Variants in XPR1 observed in about 807,000 individuals in gnomAD.
The protein encoded by XPR1 is solute carrier family 53 member 1.
XPR1 carries 28 observed loss-of-function variants against 87.5 expected under a neutral mutation model. The ratio of observed to expected loss-of-function variants is 0.32; its 90% CI spans 0.24 to 0.44. The LOEUF (loss-of-function observed/expected upper bound fraction) is 0.44, where lower values mean the gene tolerates loss of function less well. XPR1 is among the 20% of genes least tolerant of loss of function. XPR1 has a pLI of 1.00. For missense variants in XPR1, 559 were observed against 862.3 expected (o/e 0.65, Z 4.41); for synonymous variants, 300 against 306.1 (o/e 0.98, Z 0.21).
intron 2 of XPR1, among the ~76,000 whole-genome samples, chr1:180,782,272 A>C (rs919102183): frequency 2.6e-5 from 4 of 151,922 alleles, no homozygotes; most frequent in Non-Finnish European, 4.4e-5. Context: ...TTTTGTGACT[A>C]ATTATTGAAT....
intron 1 of XPR1, among the ~76,000 whole-genome samples, chr1:180,673,646 G>T (rs191023099): frequency 1.3e-5 from 2 of 152,276 alleles, no homozygotes; most frequent in Admixed American, 1.3e-4. Flanking sequence ...ATAGGAGTAC[G>T]ACCCCTATTG....
chr1:180,709,424 C>T (rs1657678816), intron 2 of XPR1, among the ~76,000 whole-genome samples: 1 of 152,204 alleles, frequency 6.6e-6, no homozygotes, highest in African/African-American at 2.4e-5. Flanking sequence ...AGAGTTTCCT[C>T]ATACCTTTTT....
At chr1:180,666,631 A>T (rs1354585433) in intron 1 of XPR1, among the ~76,000 whole-genome samples, 1 of 152,210 alleles carries the variant, frequency 6.6e-6, no homozygotes, top group Non-Finnish European at 1.5e-5. Context: ...GTGTATAGAA[A>T]TGCAACTGAT....
At position 180,806,189 on chromosome 1, in the gene XPR1, A is replaced by G. The variant is rs200521820; in HGVS notation, c.575A>G (p.Asn192Ser). ...CCATTTTATACATGCAAGAAAATCA[A>G]CCAGCTTATCTCTGAAACTGAGGTA... is the stretch of plus-strand genomic sequence containing the variant. Reference protein sequence around the residue: ...VAPFYTCKKINQLISETEAVV... With the variant: ...VAPFYTCKKISQLISETEAVV... The change falls in exon 5 of 15, where the codon AAC becomes AGC. Residue 192 changes from asparagine to serine, a missense_variant. This residue lies in a region of XPR1 where 159 missense variants were observed against 263.3 expected (regional missense o/e 0.60). Coordinates refer to ENST00000367590, the MANE Select transcript of XPR1 (RefSeq NM_004736.4). The G allele has an allele frequency of 6.2e-7, 1 of 1,613,454 alleles. No homozygotes were observed. Among genetic ancestry groups the G allele is most frequent in the Non-Finnish European group, 8.5e-7 (1 of 1,179,656 alleles).
intron 12 of XPR1, among the ~76,000 whole-genome samples, chr1:180,865,438 T>TCTG (rs1462538551): frequency 6.6e-6 from 1 of 151,464 alleles, no homozygotes; most frequent in Non-Finnish European, 1.5e-5. Context: ...TCTTGCTCTG[T>TCTG]CACCCAGGCT....
intron 12 of XPR1, among the ~76,000 whole-genome samples, chr1:180,866,506 C>G (rs2102211699): frequency 6.7e-6 from 1 of 150,070 alleles, no homozygotes; most frequent in East Asian, 1.9e-4. Context: ...TGAAAGACTT[C>G]CACATTTTTG....
At chr1:180,708,131 TTAA>T (rs1454216865) in intron 2 of XPR1, among the ~76,000 whole-genome samples, 1 of 152,238 alleles carries the variant, frequency 6.6e-6, no homozygotes, top group Admixed American at 6.5e-5. Context: ...TGTTTTTAGA[TTAA>T]TAAGTAAAAG....
chr1:180,661,707 T>TA (rs923004588), intron 1 of XPR1, among the ~76,000 whole-genome samples: 3 of 151,672 alleles, frequency 2.0e-5, no homozygotes, highest in African/African-American at 7.3e-5. Flanking sequence ...CAGTCTGTAC[T>TA]AAAAAAAATA....
intron 2 of XPR1, among the ~76,000 whole-genome samples, chr1:180,781,107 A>G (rs1648917628): frequency 6.6e-6 from 1 of 151,176 alleles, no homozygotes; most frequent in African/African-American, 2.4e-5. Context: ...TAATTTTTGT[A>G]TCCGTGTGGG....
chr1:180,758,832 C>T lies in XPR1; in HGVS notation c.122-28921C>T, dbSNP rs1415944956. ...TCCATTTCTTTTTTCAGCACCACAC[C>T]CCACCTATTCCAAAATTGACCACGT... On this transcript the variant is annotated intron_variant, in intron 2 of 14. Transcript: ENST00000367590. 3.3e-5 allele frequency: 5 copies of T among 152,452 alleles called. No homozygotes were observed. In the East Asian group the frequency reaches 7.7e-4, roughly 23 times the overall value. 9.4% of individuals were successfully genotyped at this position (152,452 alleles called of 1,614,324 possible).
chr1:180,651,427 A>G (rs1046485084), intron 1 of XPR1, among the ~76,000 whole-genome samples: 4 of 152,152 alleles, frequency 2.6e-5, no homozygotes, highest in African/African-American at 9.7e-5. Flanking sequence ...TGATAAGATG[A>G]ATGACTGTAT....
rs79580501 is a variant in XPR1, at chr1:180,715,406, G to A, written c.121+32995G>A. ...CTCATAGAATCTTAGAATGGATAAGGATCTTAGAGATTGCCTTATTTTTTA... is the reference window on the plus strand; with the variant it reads ...CTCATAGAATCTTAGAATGGATAAGAATCTTAGAGATTGCCTTATTTTTTA... On this transcript the variant is annotated intron_variant, in intron 2 of 14. Coordinates refer to ENST00000367590, the MANE Select transcript of XPR1 (RefSeq NM_004736.4). Among the ~76,000 whole-genome samples, 248 of 152,280 alleles carry A rather than the reference G, an allele frequency of 1.6e-3. 2 individuals carry two copies. The highest frequency in any genetic ancestry group is 5.6e-3 in the African/African-American group (234 of 41,538).
At chr1:180,656,530 T>C (rs28881298) in intron 1 of XPR1, among the ~76,000 whole-genome samples, 1 of 90,272 alleles carries the variant, frequency 1.1e-5, no homozygotes, top group African/African-American at 4.9e-5. Context: ...TATTTATATA[T>C]TATATATAAT....
At chr1:180,791,424 A>G (rs1649374821) in intron 3 of XPR1, among the ~76,000 whole-genome samples, 1 of 152,168 alleles carries the variant, frequency 6.6e-6, no homozygotes, top group Non-Finnish European at 1.5e-5. Context: ...GGCATGCACC[A>G]CCACACCTGG....
At chr1:180,860,159 A>G (rs1006961957) in intron 11 of XPR1, among the ~76,000 whole-genome samples, 3 of 152,148 alleles carry the variant, frequency 2.0e-5, no homozygotes, top group Non-Finnish European at 2.9e-5. Flanking sequence ...TATCACAACT[A>G]GATACTACAA....
chr1:180,878,672 C>T (rs1179420270), intron 13 of XPR1, among the ~76,000 whole-genome samples: 1 of 152,144 alleles, frequency 6.6e-6, no homozygotes, highest in Non-Finnish European at 1.5e-5. Context: ...GACAGTCTCC[C>T]AGAGCCTGTG....
chr1:180,706,900 GA>G (rs1657579348), intron 2 of XPR1, among the ~76,000 whole-genome samples: 1 of 152,096 alleles, frequency 6.6e-6, no homozygotes, highest in South Asian at 2.1e-4. Context: ...TTACAGGCGT[GA>G]ACCACCATGG....
At chr1:180,863,017 A>G (rs559619009) in intron 11 of XPR1, among the ~76,000 whole-genome samples, 1 of 152,136 alleles carries the variant, frequency 6.6e-6, no homozygotes, top group Admixed American at 6.6e-5. Flanking sequence ...GTGCCTTATA[A>G]TAAGTATTTT....
rs567271152 is a variant in XPR1 at position 180,715,342 on chromosome 1, A to G, written c.121+32931A>G. ...GAATTCTGTTGGCCAGAGTAGGCAAATTTGTAAGTGGACAGACCATGCTAT... is the reference window on the plus strand; with the variant it reads ...GAATTCTGTTGGCCAGAGTAGGCAAGTTTGTAAGTGGACAGACCATGCTAT... On this transcript the variant is annotated intron_variant, in intron 2 of 14. Transcript: ENST00000367590. Among the ~76,000 whole-genome samples the G allele has an allele frequency of 6.6e-5, 10 of 152,276 alleles. No individual in the cohort carries two copies. In the East Asian group the frequency reaches 1.9e-3, roughly 29 times the overall value.
Sources: gnomAD v4.1 joint callset for allele counts (sites outside exome capture counted in the v4.1 genomes callset) on GRCh38, gnomAD v4.1.1 for gene constraint, gnomAD v4.1.1 regional missense constraint, MANE v1.5 for transcripts, NCBI Gene and HGNC (gene_info 2026-07-23, HGNC 2026-07-21) for gene names.